THUMPD3: variants seen among roughly 807,000 people sequenced by gnomAD.
The protein encoded by THUMPD3 is tRNA (guanine(6)-N(2))-methyltransferase THUMP3.
In THUMPD3, 44 loss-of-function variants were observed where a neutral mutation model predicts 54.5. The ratio of observed to expected loss-of-function variants is 0.81; its 90% CI spans 0.63 to 1.04. The LOEUF (loss-of-function observed/expected upper bound fraction) is 1.04, where lower values mean the gene tolerates loss of function less well. THUMPD3 is among the 50% of genes least tolerant of loss of function. THUMPD3 has a pLI of 0.00. For missense variants in THUMPD3, 604 were observed against 601.3 expected, an observed-to-expected ratio of 1.00 and a Z score of -0.05; for synonymous variants, 196 against 201.4, an observed-to-expected ratio of 0.97 and a Z score of 0.23.
Position 9,383,260 on chromosome 3 carries a change from A to G in THUMPD3, c.1186A>G (p.Arg396Gly), listed in dbSNP as rs1162800256. 1 of 1,614,094 alleles carries G rather than the reference A, an allele frequency of 6.2e-7. No individual in the cohort carries two copies. ...VQWDICNLPLRTGSVDIIVTD... is the reference protein window; with the variant it reads ...VQWDICNLPLGTGSVDIIVTD... ...GTGGGATATCTGCAATCTGCCATTG[A>G]GAACTGGCTCTGTGGATATTATTGT... Residue 396 changes from arginine (R) to glycine (G), a missense_variant, in exon 8 of 10, where the codon AGA becomes GGA. Coordinates refer to ENST00000452837, the MANE Select transcript of THUMPD3 (RefSeq NM_001114092.2).
intron 7 of THUMPD3, 133 bp from the exon 8 acceptor site, chr3:9,383,066 A>G: frequency 1.8e-6 from 1 of 563,048 alleles, no homozygotes; most frequent in South Asian, 2.4e-5. Flanking sequence ...TTAAATTTTG[A>G]ATAGGTTGAT....
At chr3:9,384,161 T>C in intron 8 of THUMPD3, 51 bp from the exon 9 acceptor site, 1 of 1,594,320 alleles carries the variant, frequency 6.3e-7, no homozygotes, top group Admixed American at 1.8e-5. Flanking sequence ...ATATAGTCCT[T>C]CTATTTTGTA....
Position 9,371,185 on chromosome 3 carries a change from T to G in THUMPD3, c.456T>G (p.Asn152Lys). Residue 152 changes from asparagine (N) to lysine (K), a missense_variant, in exon 4 of 10, where the codon AAT becomes AAG. Transcript: ENST00000452837. ...CAAAGCGCAAAAAGATAAATCAGAA[T>G]TCAAGTAAAGAGAAGATTAATAATG... ...KKAKRKKINQ[N>K]SSKEKINNGQ... 4 of 1,610,702 alleles carry G rather than the reference T, an allele frequency of 2.5e-6. No homozygotes were observed. Among genetic ancestry groups the G allele is most frequent in the South Asian group, 1.1e-5 (1 of 89,596 alleles).
intron 7 of THUMPD3, among the ~76,000 whole-genome samples, chr3:9,382,113 T>C (rs916650524): frequency 2.6e-5 from 4 of 152,144 alleles, no homozygotes; most frequent in African/African-American, 9.7e-5. Flanking sequence ...CATTTTACTT[T>C]GGTTTTTAAT....
chr3:9,381,039 C>T (rs1217066659), intron 7 of THUMPD3, among the ~76,000 whole-genome samples: 2 of 152,160 alleles, frequency 1.3e-5, no homozygotes, highest in South Asian at 2.1e-4. Context: ...TCAAGCAATC[C>T]TCCTGCCTTG....
At position 9,384,907 on chromosome 3, in the gene THUMPD3, A is replaced by C. The variant is rs937454074; in HGVS notation, c.*219A>C. 1 of 533,178 alleles carries C rather than the reference A, an allele frequency of 1.9e-6. No individual in the cohort carries two copies. 33.0% of individuals were successfully genotyped at this position (533,178 alleles called of 1,614,324 possible). On this transcript the variant is annotated 3_prime_UTR_variant, in exon 10 of 10. Coordinates refer to ENST00000452837, the MANE Select transcript of THUMPD3 (RefSeq NM_001114092.2). Reference sequence around the variant, plus strand: ...ACGACTGTAATTCCAGCAGTTTAGGAAGCCGAAGTGTGCAGATCACCTGAG... The same window carrying C: ...ACGACTGTAATTCCAGCAGTTTAGGCAGCCGAAGTGTGCAGATCACCTGAG...
chr3:9,372,579 C>T (rs1421541800), intron 4 of THUMPD3, among the ~76,000 whole-genome samples: 1 of 149,896 alleles, frequency 6.7e-6, no homozygotes, highest in African/African-American at 2.5e-5. Context: ...GACTCCATCT[C>T]CAAAAAAAAA....
At chr3:9,370,095 A>G (rs2031909594) in intron 3 of THUMPD3, among the ~76,000 whole-genome samples, 1 of 152,090 alleles carries the variant, frequency 6.6e-6, no homozygotes, top group South Asian at 2.1e-4. Flanking sequence ...CTTAGTGTTC[A>G]CCCTTAAACT....
intron 5 of THUMPD3, among the ~76,000 whole-genome samples, chr3:9,375,750 C>T (rs2032412895): frequency 6.6e-6 from 1 of 152,214 alleles, no homozygotes; most frequent in Non-Finnish European, 1.5e-5. Flanking sequence ...GCCTACTACA[C>T]ACCTGGGCTA....
intron 3 of THUMPD3, among the ~76,000 whole-genome samples, chr3:9,369,628 T>A (rs551750255): frequency 6.6e-6 from 1 of 152,208 alleles, no homozygotes; most frequent in Non-Finnish European, 1.5e-5. Context: ...ATTGCTGGAA[T>A]TGGCTGCGTA....
In THUMPD3 at chr3:9,384,229, G is replaced by A. The variant is rs762062244; in HGVS notation, c.1253G>A (p.Arg418Lys). Residue 418 changes from arginine to lysine, a missense_variant, in exon 9 of 10, where the codon AGA becomes AAA. Physicochemically the swap from Arg to Lys is conservative, Grantham distance 26. Coordinates refer to ENST00000452837, the MANE Select transcript of THUMPD3 (RefSeq NM_001114092.2). ...PFGKRMGSKK[R>K]NWNLYPACLR... ...TATTATAGGATGGGATCCAAGAAGA[G>A]AAACTGGAACCTTTATCCAGCTTGC... 6.2e-7 allele frequency: 1 copy of A among 1,614,018 alleles called. No individual in the cohort carries two copies. Among genetic ancestry groups the A allele is most frequent in the Non-Finnish European group, 8.5e-7 (1 of 1,179,996 alleles).
At chr3:9,383,046 G>A in intron 7 of THUMPD3, 153 bp from the exon 8 acceptor site, 1 of 533,742 alleles carries the variant, frequency 1.9e-6, no homozygotes, top group Non-Finnish European at 3.4e-6. Flanking sequence ...TTTTACCTTT[G>A]TGCCATTTCT....
intron 3 of THUMPD3, among the ~76,000 whole-genome samples, chr3:9,367,494 C>T (rs1479853168): frequency 1.3e-5 from 2 of 152,226 alleles, no homozygotes; most frequent in Non-Finnish European, 2.9e-5. Flanking sequence ...TATTCAGCTG[C>T]TGCCTAAGCT....
Position 9,365,000 on chromosome 3 carries a change from T to G in THUMPD3, c.-53-16T>G. ...GAGATGATAATATTTGGGCTTTATT[T>G]CTTTTTCTTTTAAAGGACAGTACTG... On this transcript the variant is annotated splice_polypyrimidine_tract_variant and intron_variant, in intron 1 of 9. Transcript: ENST00000452837. 6.5e-7 allele frequency: 1 copy of G among 1,538,108 alleles called. No homozygotes were observed. The highest frequency in any genetic ancestry group is 8.7e-7 in the Non-Finnish European group (1 of 1,143,038).
At chr3:9,366,382 A>G (rs150050431) in intron 2 of THUMPD3, among the ~76,000 whole-genome samples, 1 of 152,320 alleles carries the variant, frequency 6.6e-6, no homozygotes, top group East Asian at 1.9e-4. Flanking sequence ...GTACCCAGAA[A>G]ATATCTGTGG....
intron 2 of THUMPD3, among the ~76,000 whole-genome samples, chr3:9,366,524 A>G (rs959539722): frequency 1.3e-5 from 2 of 152,218 alleles, no homozygotes; most frequent in Non-Finnish European, 2.9e-5. Context: ...CCCCAGGGCC[A>G]CTCAGCTAGT....
intron 7 of THUMPD3, among the ~76,000 whole-genome samples, chr3:9,382,580 A>C (rs1227575793): frequency 6.6e-6 from 1 of 152,058 alleles, no homozygotes; most frequent in African/African-American, 2.4e-5. Flanking sequence ...ACATCACCCC[A>C]TTATCTATTC....
intron 6 of THUMPD3, among the ~76,000 whole-genome samples, chr3:9,379,289 C>T (rs2032699209): frequency 6.6e-6 from 1 of 152,028 alleles, no homozygotes; most frequent in Admixed American, 6.5e-5. Context: ...TCTACATCCC[C>T]ACCCACCCAA....
chr3:9,384,796 T>G lies in THUMPD3; in HGVS notation c.*108T>G. ...CTGCAGTCTGCACTCTTTAAACCTGTTTAAGGCTCTTCATCCTGGTTAGCA... is the reference window on the plus strand; with the variant it reads ...CTGCAGTCTGCACTCTTTAAACCTGGTTAAGGCTCTTCATCCTGGTTAGCA... On this transcript the variant is annotated 3_prime_UTR_variant, in exon 10 of 10. Coordinates refer to ENST00000452837, the MANE Select transcript of THUMPD3 (RefSeq NM_001114092.2). 1 of 1,264,782 alleles carries G rather than the reference T, an allele frequency of 7.9e-7. No homozygotes were observed. Among genetic ancestry groups the G allele is most frequent in the Non-Finnish European group, 1.1e-6 (1 of 910,306 alleles). The allele number at this position is 1,264,782 out of a possible 1,614,324, so 78.3% of individuals were successfully genotyped here.
Sources: allele counts gnomAD v4.1 joint callset (sites outside exome capture counted in the v4.1 genomes callset), GRCh38; gene constraint gnomAD v4.1.1; transcripts MANE v1.5; gene names NCBI Gene and HGNC (gene_info 2026-07-23, HGNC 2026-07-21).